Variants in NDRG4 observed in about 807,000 individuals in gnomAD.
The protein encoded by NDRG4 is NDRG family member 4, also known as protein NDRG4.
A neutral mutation model predicts 55.8 loss-of-function variants in NDRG4; 38 were observed. The ratio of observed to expected loss-of-function variants is 0.68; its 90% CI spans 0.53 to 0.89. The LOEUF (loss-of-function observed/expected upper bound fraction) is 0.89, where lower values mean the gene tolerates loss of function less well. Ranked by LOEUF, NDRG4 falls within the 40% of genes least tolerant of loss-of-function variation. The pLI, the probability that NDRG4 is intolerant of heterozygous loss-of-function variation, is 0.00. For missense variants in NDRG4, 455 were observed against 468.6 expected, an observed-to-expected ratio of 0.97 and a Z score of 0.27; for synonymous variants, 190 against 182.7, an observed-to-expected ratio of 1.04 and a Z score of -0.32.
chr16:58,497,977 A>G (rs1380074886), upstream of NDRG4, among the ~76,000 whole-genome samples: 2 of 152,076 alleles, frequency 1.3e-5, no homozygotes, highest in Non-Finnish European at 2.9e-5. Flanking sequence ...AATCTTGCCC[A>G]AGGTCACCCG....
In NDRG4 at chr16:58,512,395, T is replaced by G; in HGVS notation, c.*819T>G. On this transcript the variant is annotated 3_prime_UTR_variant, in exon 15 of 15. Transcript: ENST00000570248. ...GGTGTGTGTGCCCCTGAGAACTTCG[T>G]GGTGACTGCCTTTGGGAGCCCGCAG... 8.0e-6 allele frequency: 2 copies of G among 249,102 alleles called. No homozygotes were observed. The highest frequency in any genetic ancestry group is 7.4e-5 in the South Asian group (2 of 26,880). The allele number at this position is 249,102 out of a possible 1,614,324, so 15.4% of individuals were successfully genotyped here. A position where few individuals can be genotyped will look rare whatever the true frequency, so the allele number is the denominator to read the frequency against.
chr16:58,470,383 G>C (rs1287946482), intron 1 of NDRG4, among the ~76,000 whole-genome samples: 5 of 152,164 alleles, frequency 3.3e-5, no homozygotes, highest in Non-Finnish European at 5.9e-5. Context: ...AGTCTAAGGA[G>C]GAGGAACCAG....
At chr16:58,492,669 A>G (rs1201951329) in intron 2 of NDRG4, among the ~76,000 whole-genome samples, 1 of 152,008 alleles carries the variant, frequency 6.6e-6, no homozygotes, top group Non-Finnish European at 1.5e-5. Flanking sequence ...GGCCTTCCAA[A>G]GTGCAGGAAT....
chr16:58,471,507 T>C (rs1242714807), intron 1 of NDRG4, among the ~76,000 whole-genome samples: 1 of 152,046 alleles, frequency 6.6e-6, no homozygotes, highest in African/African-American at 2.4e-5. Context: ...GACACTGTTA[T>C]ATAAACTGAA....
At chr16:58,467,348 A>G (rs916206931) in intron 1 of NDRG4, among the ~76,000 whole-genome samples, 3 of 152,116 alleles carry the variant, frequency 2.0e-5, no homozygotes, top group African/African-American at 7.2e-5. Context: ...TCTCTACTAA[A>G]AATACAAAAT....
intron 1 of NDRG4, among the ~76,000 whole-genome samples, chr16:58,472,766 G>T (rs570620801): frequency 2.6e-5 from 4 of 152,212 alleles, no homozygotes; most frequent in African/African-American, 9.6e-5. Context: ...CCTCGCAAGG[G>T]CAGTGTGGTT....
intron 2 of NDRG4, among the ~76,000 whole-genome samples, chr16:58,492,550 G>C (rs1167896369): frequency 7.2e-5 from 8 of 111,732 alleles, no homozygotes; most frequent in African/African-American, 2.0e-4. Flanking sequence ...GTGTGTGTGT[G>C]TGAGAGACAG....
intron 5 of NDRG4, 77 bp downstream of exon 5, chr16:58,504,726 A>T: frequency 6.5e-7 from 1 of 1,534,488 alleles, no homozygotes; most frequent in Non-Finnish European, 9.0e-7. Context: ...ACTGGGGGGA[A>T]CCCTTCAGCC....
At chr16:58,505,708 A>ATTTTTTT (rs869263659) in intron 5 of NDRG4, among the ~76,000 whole-genome samples, 3 of 70,632 alleles carry the variant, frequency 4.2e-5, no homozygotes, top group Admixed American at 1.7e-4. Context: ...TGAGGGCTTC[A>ATTTTTTT]TTTTCTTTTT....
chr16:58,511,810 T>C lies in NDRG4; in HGVS notation c.*234T>C, dbSNP rs74023110. 2,693 of 599,046 alleles carry C rather than the reference T, an allele frequency of 4.5e-3. 60 individuals carry two copies. The highest frequency in any genetic ancestry group is 0.045 in the African/African-American group (2,460 of 54,782). The allele number at this position is 599,046 out of a possible 1,614,324, so 37.1% of individuals were successfully genotyped here. ...GGTAACTTAGCCAACTTGACCCCTC[T>C]CATCCCACTCCCGGCGGCCCAGGCA... On this transcript the variant is annotated 3_prime_UTR_variant, in exon 15 of 15. Transcript: ENST00000570248.
intron 8 of NDRG4, 45 bp from the exon 9 acceptor site, chr16:58,507,763 C>T: frequency 1.3e-6 from 2 of 1,594,742 alleles, no homozygotes; most frequent in Non-Finnish European, 1.7e-6. Context: ...CTCATCCTGT[C>T]CTGGGGTGCC....
Position 58,464,507 on chromosome 16 carries a change from A to T in NDRG4, c.-24+710A>T. 2.6e-5 allele frequency: 34 copies of T among 1,301,094 alleles called. No homozygotes were observed. The highest frequency in any genetic ancestry group is 3.3e-5 in the Non-Finnish European group (34 of 1,022,992). 80.6% of individuals were successfully genotyped at this position (1,301,094 alleles called of 1,614,324 possible). ...CCCCGCAGCCGGCCGCCACTTTCCGAGTTGGAGCGGACTCCGGGCGCGGCG... is the reference window on the plus strand; with the variant it reads ...CCCCGCAGCCGGCCGCCACTTTCCGTGTTGGAGCGGACTCCGGGCGCGGCG... On this transcript the variant is annotated intron_variant, in intron 1 of 15. Coordinates refer to the NDRG4 transcript ENST00000258187. The surrounding 1 kb of genome is among the most constrained non-coding windows in gnomAD (Gnocchi z 4.8).
rs1385111000 is a variant in NDRG4, at chr16:58,513,443, A to T, written c.*1867A>T. 6.6e-6 allele frequency: 1 copy of T among 152,186 alleles called. No individual in the cohort carries two copies. Among genetic ancestry groups the T allele is most frequent in the Non-Finnish European group, 1.5e-5 (1 of 68,034 alleles). The allele number at this position is 152,186 out of a possible 1,614,324, so 9.4% of individuals were successfully genotyped here. ...CCAGTGTGGTGATGCCATGCCCATC[A>T]TGGGAGGCTTTTGGAGAAACAGAAT... On this transcript the variant is annotated 3_prime_UTR_variant, in exon 15 of 15. Coordinates refer to ENST00000570248, the MANE Select transcript of NDRG4 (RefSeq NM_001242835.2).
intron 1 of NDRG4, among the ~76,000 whole-genome samples, chr16:58,468,860 T>C (rs2032243799): frequency 6.6e-6 from 1 of 152,066 alleles, no homozygotes; most frequent in African/African-American, 2.4e-5. Context: ...TTTTTTAGTG[T>C]GATATGTGAA....
intron 1 of NDRG4, chr16:58,501,035 CCCCAGGTGGAG>C (rs1427885058): frequency 1.4e-5 from 18 of 1,243,464 alleles, no homozygotes; most frequent in East Asian, 6.3e-5. Context: ...GGCTAGGGGA[CCCCAGGTGGAG>C]CCCAGGGCAC....
At chr16:58,494,056 C>G (rs1383990825) in intron 2 of NDRG4, among the ~76,000 whole-genome samples, 2 of 152,164 alleles carry the variant, frequency 1.3e-5, no homozygotes, top group Admixed American at 1.3e-4. Context: ...GCATTTTGAG[C>G]CTCTCTCCCC....
chr16:58,477,305 C>A (rs1183856361), intron 1 of NDRG4, among the ~76,000 whole-genome samples: 1 of 152,058 alleles, frequency 6.6e-6, no homozygotes, highest in Admixed American at 6.6e-5. Context: ...ACGTCATTCT[C>A]CAATAAAGGG....
intron 1 of NDRG4, among the ~76,000 whole-genome samples, chr16:58,466,873 G>A (rs974272481): frequency 4.6e-5 from 7 of 152,154 alleles, no homozygotes; most frequent in Admixed American, 1.3e-4. Flanking sequence ...TAGTGTAGGC[G>A]ACACACGTGG....
At chr16:58,506,085 C>CAATTT in intron 5 of NDRG4, 1 of 554,364 alleles carries the variant, frequency 1.8e-6, no homozygotes, top group South Asian at 1.8e-5. Context: ...GTTTAATACT[C>CAATTT]AATTTTGCAC....
Sources: allele counts gnomAD v4.1 joint callset (sites outside exome capture counted in the v4.1 genomes callset), GRCh38; gene constraint gnomAD v4.1.1; non-coding constraint Gnocchi (gnomAD v3.1); transcripts MANE v1.5; gene names NCBI Gene and HGNC (gene_info 2026-07-23, HGNC 2026-07-21).